The following DST variants were observed in gnomAD, a reference collection of about 807,000 sequenced individuals.
DST encodes the protein dystonin.
A neutral mutation model predicts 875.2 loss-of-function variants in DST; 253 were observed. That is an observed-to-expected ratio of 0.29 (90% CI 0.26 to 0.32). DST has a LOEUF of 0.32. DST is among the 10% of genes least tolerant of loss of function. DST has a pLI of 1.00. For missense variants in DST, 8,287 were observed against 9,111.6 expected (o/e 0.91, Z 3.68); for synonymous variants, 3,124 against 3,197.1 (o/e 0.98, Z 0.77).
intron 4 of DST, among the ~76,000 whole-genome samples, chr6:56,836,507 T>C (rs2099793691): frequency 6.6e-6 from 1 of 152,144 alleles, no homozygotes; most frequent in Non-Finnish European, 1.5e-5. Context: ...CTTAACTTTT[T>C]ATACACCAAA....
intron 4 of DST, among the ~76,000 whole-genome samples, chr6:56,821,570 C>G (rs2099773097): frequency 6.6e-6 from 1 of 152,190 alleles, no homozygotes; most frequent in Non-Finnish European, 1.5e-5. Flanking sequence ...CTGAATATCT[C>G]TGAACCTAAT....
chr6:56,469,616 A>G (rs1025290358), intron 97 of DST, among the ~76,000 whole-genome samples: 1 of 152,156 alleles, frequency 6.6e-6, no homozygotes, highest in African/African-American at 2.4e-5. Context: ...CAACCTAAAT[A>G]TATGAGATTT....
intron 3 of DST, among the ~76,000 whole-genome samples, chr6:56,856,702 G>T (rs1436401006): frequency 2.0e-5 from 3 of 152,112 alleles, no homozygotes; most frequent in Non-Finnish European, 2.9e-5. Context: ...AAGCTAAAAA[G>T]ACATTTTGGG....
chr6:56,889,058 G>A (rs1786008998), intron 3 of DST, among the ~76,000 whole-genome samples: 1 of 152,186 alleles, frequency 6.6e-6, no homozygotes, highest in Non-Finnish European at 1.5e-5. Context: ...ATATTTCTGA[G>A]TGAAGAGTTG....
chr6:56,624,327 T>A, intron 36 of DST: 1 of 660,676 alleles, frequency 1.5e-6, no homozygotes, highest in Non-Finnish European at 2.7e-6. Flanking sequence ...TGACTTTCTA[T>A]TTGAATGAAT....
intron 80 of DST, among the ~76,000 whole-genome samples, chr6:56,499,473 C>A (rs114867631): frequency 0.025 from 3,845 of 152,184 alleles, 73 homozygotes; most frequent in Non-Finnish European, 0.043. Context: ...AAAGAGAGTT[C>A]TATAAAATTC....
chr6:56,606,247 T>C lies in DST; in HGVS notation c.8381A>G (p.Tyr2794Cys), dbSNP rs1278837593. The C allele has an allele frequency of 6.4e-7, 1 of 1,568,282 alleles. No individual in the cohort carries two copies. The highest frequency in any genetic ancestry group is 1.7e-4 in the Middle Eastern group (1 of 6,006). ...HLDSMQSEES[Y>C]GDYIYDSNDQ... is the part of the protein sequence containing the mutation. ...ATTACTGTCATATATATAATCCCCA[T>C]AACTTTCTTCACTTTGCATAGAATC... is the stretch of plus-strand genomic sequence containing the variant. The change falls in exon 40 of 104, where the codon TAT becomes TGT. Residue 2794 changes from tyrosine to cysteine, a missense_variant. Physicochemically the swap from Tyr to Cys is radical, Grantham distance 194. Coordinates refer to ENST00000680361, the MANE Select transcript of DST (RefSeq NM_001374736.1).
chr6:56,836,714 G>A lies in DST; in HGVS notation c.625+14683C>T, dbSNP rs2099793976. Among the ~76,000 whole-genome samples, 3 of 151,420 alleles carry A rather than the reference G, an allele frequency of 2.0e-5. No homozygotes were observed. The South Asian group carries it at 6.2e-4, about 31-fold the overall frequency. On this transcript the variant is annotated intron_variant, in intron 4 of 103. Coordinates refer to ENST00000680361, the MANE Select transcript of DST (RefSeq NM_001374736.1). ...AAATACAAAAAAATTAGCCGGGCGT[G>A]ATGGCGGGCGCCTGTAGTCCCAGCT...
At position 56,605,415 on chromosome 6, in the gene DST, C is replaced by T. The variant is rs371607279; in HGVS notation, c.9213G>A (p.Arg3071=). 93 of 1,612,680 alleles carry T rather than the reference C, an allele frequency of 5.8e-5. No individual in the cohort carries two copies. Among genetic ancestry groups the T allele is most frequent in the African/African-American group, 1.9e-4 (14 of 74,854 alleles). ...LVEGLVEEEN[R]HLKLLPGKNT... ...TTTTACCAGGCAAAAGTTTGAGATG[C>T]CTATTTTCTTCTTCTACTAGACCTT... is the stretch of plus-strand genomic sequence containing the variant. The change falls in exon 40 of 104, where the codon AGG becomes AGA. Residue 3071 remains arginine, a synonymous_variant. Transcript: ENST00000680361.
intron 4 of DST, among the ~76,000 whole-genome samples, chr6:56,789,451 G>T (rs2099711240): frequency 6.6e-6 from 1 of 151,966 alleles, no homozygotes; most frequent in Admixed American, 6.6e-5. Flanking sequence ...TTGCAGTAAA[G>T]TAACTATAAC....
In DST at chr6:56,869,833, C is replaced by T. The variant is rs541738229; in HGVS notation, c.418-18229G>A. On this transcript the variant is annotated intron_variant, in intron 3 of 103. Coordinates refer to ENST00000680361, the MANE Select transcript of DST (RefSeq NM_001374736.1). ...CCGAGTAGCCGAGACTACAGGCAGG[C>T]GCCATCATGCCCAGTTAATTTTTTT... is the stretch of plus-strand genomic sequence containing the variant. Among the ~76,000 whole-genome samples, 4 of 152,146 alleles carry T rather than the reference C, an allele frequency of 2.6e-5. No homozygotes were observed. In the East Asian group the frequency reaches 5.8e-4, roughly 22 times the overall value.
intron 95 of DST, 56 bp downstream of exon 95, chr6:56,471,050 T>C: frequency 6.6e-7 from 1 of 1,518,008 alleles, no homozygotes; most frequent in Non-Finnish European, 9.0e-7. Context: ...ACTTTTAAAA[T>C]GTGCTTATTT....
chr6:56,719,104 A>T (rs1245743187), intron 5 of DST, among the ~76,000 whole-genome samples: 2 of 152,248 alleles, frequency 1.3e-5, no homozygotes, highest in Non-Finnish European at 2.9e-5. Context: ...TCCTTTTGAA[A>T]AAATGGAGTG....
intron 4 of DST, among the ~76,000 whole-genome samples, chr6:56,798,701 T>C (rs1310376436): frequency 1.3e-5 from 2 of 152,176 alleles, no homozygotes; most frequent in African/African-American, 4.8e-5. Flanking sequence ...CCATCAATAG[T>C]GATTCCTCTG....
intron 2 of DST, among the ~76,000 whole-genome samples, chr6:56,951,236 A>G (rs1217508893): frequency 6.6e-6 from 1 of 152,250 alleles, no homozygotes; most frequent in Non-Finnish European, 1.5e-5. Context: ...CATGGTTCAA[A>G]GTGAGTCAGC....
At chr6:56,719,147 T>G (rs2099405315) in intron 5 of DST, among the ~76,000 whole-genome samples, 1 of 152,214 alleles carries the variant, frequency 6.6e-6, no homozygotes, top group Admixed American at 6.5e-5. Context: ...AATATCTGTA[T>G]CTGTCAAAAT....
rs7739398 is a variant in DST, at chr6:56,562,154, T to C, written c.14052A>G (p.Glu4684=). ...NGEGTATNTE[E]FWANKGLTSI... is the part of the protein sequence containing the mutation. ...AATACTCACCTTTATTTGCCCAAAATTCCTCAGTATTTGTGGCTGTTCCTT... is the reference window on the plus strand; with the variant it reads ...AATACTCACCTTTATTTGCCCAAAACTCCTCAGTATTTGTGGCTGTTCCTT... Residue 4684 remains glutamate, a synonymous_variant, in exon 56 of 104, where the codon GAA becomes GAG. Transcript: ENST00000680361. 1.6e-5 allele frequency: 25 copies of C among 1,551,712 alleles called. No individual in the cohort carries two copies. The African/African-American group carries it at 2.9e-4, about 18-fold the overall frequency.
rs1471065569 is a variant in DST, at chr6:56,650,038, G to A, written c.1434+888C>T. 3.9e-5 allele frequency among the ~76,000 whole-genome samples: 6 copies of A among 152,230 alleles called. 1 individual carries two copies. Among genetic ancestry groups the A allele is most frequent in the African/African-American group, 1.4e-4 (6 of 41,536 alleles). ...TGAGCATGGGAACAGGCTACTCAGG[G>A]ATCAAAGAGCATGAAGCCTTTGAAA... On this transcript the variant is annotated intron_variant, in intron 12 of 103. Transcript: ENST00000680361.
intron 2 of DST, among the ~76,000 whole-genome samples, chr6:56,905,747 C>T (rs1796119080): frequency 6.6e-6 from 1 of 151,984 alleles, no homozygotes; most frequent in South Asian, 2.1e-4. Flanking sequence ...CTCCCGGGCT[C>T]AAGCAATTCT....
Sources: allele counts gnomAD v4.1 joint callset (sites outside exome capture counted in the v4.1 genomes callset), GRCh38; gene constraint gnomAD v4.1.1; transcripts MANE v1.5; gene names NCBI Gene and HGNC (gene_info 2026-07-23, HGNC 2026-07-21).